Variants in TACR1 observed in about 807,000 individuals in gnomAD.
TACR1 encodes tachykinin receptor 1, also known as substance-P receptor.
In TACR1, 25 loss-of-function variants were observed where a neutral mutation model predicts 35.8. The observed-to-expected ratio is 0.70, with a 90% CI of 0.51 to 0.98. The LOEUF is 0.98. Among genes scored for constraint, TACR1 ranks in the 50% least tolerant of loss-of-function variants. The pLI, the probability that TACR1 is intolerant of heterozygous loss-of-function variation, is 0.00. For missense variants in TACR1, 478 were observed against 522.9 expected (o/e 0.91, Z 0.84); for synonymous variants, 195 against 206.7 (o/e 0.94, Z 0.48).
At chr2:75,073,985 C>A (rs1672929835) in intron 2 of TACR1, among the ~76,000 whole-genome samples, 1 of 152,128 alleles carries the variant, frequency 6.6e-6, no homozygotes, top group South Asian at 2.1e-4. Context: ...GGTACCTACC[C>A]CTCTCATTCT....
At chr2:75,156,602 CAAAAAAA>C (rs58048867) in intron 1 of TACR1, among the ~76,000 whole-genome samples, 2 of 108,524 alleles carry the variant, frequency 1.8e-5, no homozygotes, top group Non-Finnish European at 3.6e-5. Flanking sequence ...GACTCCGTCT[CAAAAAAA>C]AAAAAAAAAA....
chr2:75,170,049 C>A (rs924145737), intron 1 of TACR1, among the ~76,000 whole-genome samples: 1 of 152,084 alleles, frequency 6.6e-6, no homozygotes, highest in African/African-American at 2.4e-5. Context: ...TCTGACTTTT[C>A]CATTTGAGAG....
chr2:75,106,698 T>C lies in TACR1; in HGVS notation c.584+13876A>G, dbSNP rs531420174. On this transcript the variant is annotated intron_variant, in intron 2 of 4. Coordinates refer to ENST00000305249, the MANE Select transcript of TACR1 (RefSeq NM_001058.4). ...ATAATGCCAAGTGACATTATAAATA[T>C]TGTAAATGTTAATAGCTATGGAAGT... is the stretch of plus-strand genomic sequence containing the variant. Among the ~76,000 whole-genome samples, 10 of 152,100 alleles carry C rather than the reference T, an allele frequency of 6.6e-5. No homozygotes were observed. In the South Asian group the frequency reaches 2.1e-3, roughly 32 times the overall value.
chr2:75,049,332 G>A lies in TACR1; in HGVS notation c.*100C>T. 3 of 1,343,330 alleles carry A rather than the reference G, an allele frequency of 2.2e-6. No individual in the cohort carries two copies. Among genetic ancestry groups the A allele is most frequent in the Admixed American group, 2.1e-5 (1 of 46,698 alleles). The allele number at this position is 1,343,330 out of a possible 1,614,324, so 83.2% of individuals were successfully genotyped here. On this transcript the variant is annotated 3_prime_UTR_variant, in exon 5 of 5. Transcript: ENST00000305249. ...ACTGACCCTTTTTGCAAGTCCCAGTGTGAGGGTGTTTCTGATGGTTCCAGA... is the reference window on the plus strand; with the variant it reads ...ACTGACCCTTTTTGCAAGTCCCAGTATGAGGGTGTTTCTGATGGTTCCAGA...
chr2:75,115,733 C>T (rs1440064612), intron 2 of TACR1, among the ~76,000 whole-genome samples: 2 of 151,770 alleles, frequency 1.3e-5, no homozygotes, highest in Admixed American at 6.6e-5. Flanking sequence ...CGTGAAACCC[C>T]GTCTCTGCTA....
chr2:75,062,834 A>C (rs147714012), intron 2 of TACR1, among the ~76,000 whole-genome samples: 2 of 152,244 alleles, frequency 1.3e-5, no homozygotes, highest in Non-Finnish European at 2.9e-5. Context: ...TAGGTCATAC[A>C]TGGTTCTCTA....
intron 1 of TACR1, among the ~76,000 whole-genome samples, chr2:75,172,634 G>C (rs1309200782): frequency 6.6e-6 from 1 of 152,092 alleles, no homozygotes; most frequent in Non-Finnish European, 1.5e-5. Flanking sequence ...AAGTGGGAAA[G>C]AGAATGGAAC....
intron 1 of TACR1, among the ~76,000 whole-genome samples, chr2:75,154,886 C>T (rs1337933278): frequency 2.0e-5 from 3 of 152,116 alleles, no homozygotes; most frequent in Admixed American, 6.5e-5. Flanking sequence ...CTTCCAAGTT[C>T]GCATTTGGCC....
At position 75,053,673 on chromosome 2, in the gene TACR1, G is replaced by A; in HGVS notation, c.667C>T (p.Leu223=). 1.2e-6 allele frequency: 2 copies of A among 1,612,278 alleles called. No homozygotes were observed. The highest frequency in any genetic ancestry group is 1.7e-6 in the Non-Finnish European group (2 of 1,179,224). Residue 223 remains leucine (L), a synonymous_variant, in exon 3 of 5, where the codon CTA becomes TTA. Coordinates refer to ENST00000305249, the MANE Select transcript of TACR1 (RefSeq NM_001058.4). ...TCCCCGGGGATCTCACTGGCCCATA[G>A]TGTGATTCCCACTACGGTGTATGCA... ...GYAYTVVGIT[L]WASEIPGDSS... is the part of the protein sequence containing the mutation.
At chr2:75,074,699 A>G (rs889145400) in intron 2 of TACR1, among the ~76,000 whole-genome samples, 9 of 151,856 alleles carry the variant, frequency 5.9e-5, no homozygotes, top group Admixed American at 2.6e-4. Flanking sequence ...TTTTTCTTCC[A>G]GGCAAGAAGG....
intron 4 of TACR1, 81 bp downstream of exon 4, chr2:75,051,170 T>G (rs1672460009): frequency 1.3e-6 from 2 of 1,579,274 alleles, no homozygotes; most frequent in Non-Finnish European, 8.7e-7. Flanking sequence ...CTGGGTTTAC[T>G]CATTTAGGAT....
intron 1 of TACR1, among the ~76,000 whole-genome samples, chr2:75,125,011 T>C (rs1441233803): frequency 1.3e-5 from 2 of 152,208 alleles, no homozygotes; most frequent in South Asian, 2.1e-4. Flanking sequence ...GGGATGTTTT[T>C]CCTCCTCGAT....
At position 75,154,524 on chromosome 2, in the gene TACR1, ACACT is replaced by A. The variant is rs1247837897; in HGVS notation, c.390-33760_390-33757del. The A allele has an allele frequency of 1.5e-4, 21 of 140,568 alleles. 4 individuals carry two copies. In the East Asian group the frequency reaches 2.1e-3, roughly 14 times the overall value. 8.7% of individuals were successfully genotyped at this position (140,568 alleles called of 1,614,324 possible). On this transcript the variant is annotated intron_variant, in intron 1 of 4. Coordinates refer to ENST00000305249, the MANE Select transcript of TACR1 (RefSeq NM_001058.4). ...CACACACACACACACACACACACAC[ACACT>A]CTCTGAAGAAACCCAGTGGAGATTC...
intron 2 of TACR1, among the ~76,000 whole-genome samples, chr2:75,115,906 C>CAAAAAAAA (rs1158476632): frequency 7.3e-5 from 4 of 54,452 alleles, no homozygotes; most frequent in East Asian, 6.4e-4. Flanking sequence ...GACTCCGTCT[C>CAAAAAAAA]AAAAAAAAAA....
chr2:75,101,370 G>C (rs1287672685), intron 2 of TACR1, among the ~76,000 whole-genome samples: 1 of 152,122 alleles, frequency 6.6e-6, no homozygotes, highest in African/African-American at 2.4e-5. Flanking sequence ...AAAGGTAGAT[G>C]AATGATCACT....
chr2:75,195,963 G>C (rs1478946461), intron 1 of TACR1, among the ~76,000 whole-genome samples: 1 of 152,180 alleles, frequency 6.6e-6, no homozygotes, highest in Non-Finnish European at 1.5e-5. Flanking sequence ...AGTCATAAAA[G>C]AGAAATTCAA....
chr2:75,130,038 T>C (rs148967487), intron 1 of TACR1, among the ~76,000 whole-genome samples: 2 of 152,354 alleles, frequency 1.3e-5, no homozygotes, highest in East Asian at 3.9e-4. Flanking sequence ...AAGTGAAGAA[T>C]TAAATCCCGT....
At chr2:75,149,670 T>A (rs1343981173) in intron 1 of TACR1, among the ~76,000 whole-genome samples, 1 of 152,194 alleles carries the variant, frequency 6.6e-6, no homozygotes, top group Non-Finnish European at 1.5e-5. Context: ...AAATATACAA[T>A]CATGTCATCT....
chr2:75,075,983 T>C (rs1160396974), intron 2 of TACR1, among the ~76,000 whole-genome samples: 1 of 152,226 alleles, frequency 6.6e-6, no homozygotes, highest in East Asian at 1.9e-4. Flanking sequence ...CCCAACAGAA[T>C]TAATAGAAGA....
Sources: allele counts gnomAD v4.1 joint callset (sites outside exome capture counted in the v4.1 genomes callset), GRCh38; gene constraint gnomAD v4.1.1; transcripts MANE v1.5; gene names NCBI Gene and HGNC (gene_info 2026-07-23, HGNC 2026-07-21).